Variants in CNBD2 observed in about 807,000 individuals in gnomAD.
CNBD2 encodes the protein cyclic nucleotide binding domain containing 2.
In CNBD2, 64 loss-of-function variants were observed where a neutral mutation model predicts 63.7. That is an observed-to-expected ratio of 1.00 (90% confidence interval 0.82 to 1.24). The LOEUF is 1.24. Among genes scored for constraint, CNBD2 ranks in the 50% most tolerant of loss-of-function variants. CNBD2 has a pLI of 0.00. For synonymous variants in CNBD2, 229 were observed against 255.4 expected (o/e 0.90, Z 0.99); for missense variants, 691 against 713.5 (o/e 0.97, Z 0.36).
At chr20:36,000,175 C>T (rs1034678990) in intron 8 of CNBD2, among the ~76,000 whole-genome samples, 1 of 152,090 alleles carries the variant, frequency 6.6e-6, no homozygotes, top group Admixed American at 6.5e-5. Flanking sequence ...ATTATTTCAG[C>T]TTTTCTATGT....
At chr20:35,973,514 A>G (rs904220258) in intron 2 of CNBD2, 3 of 152,134 alleles carry the variant, frequency 2.0e-5, no homozygotes, top group Admixed American at 2.0e-4. Flanking sequence ...GGTTCACACC[A>G]TTCTCCTGCC....
At chr20:35,968,950 C>A in intron 1 of CNBD2, 137 bp downstream of exon 1, 1 of 650,798 alleles carries the variant, frequency 1.5e-6, no homozygotes, top group Non-Finnish European at 2.7e-6. Context: ...CACAGCATGG[C>A]ACAAAGGAGG....
chr20:36,005,260 A>G (rs941255444), intron 8 of CNBD2, among the ~76,000 whole-genome samples: 5 of 152,202 alleles, frequency 3.3e-5, no homozygotes, highest in Non-Finnish European at 7.3e-5. Flanking sequence ...CGCTTTTGGA[A>G]TGAAACTGTT....
At chr20:35,986,222 A>G (rs1041765135) in intron 6 of CNBD2, among the ~76,000 whole-genome samples, 6 of 152,208 alleles carry the variant, frequency 3.9e-5, no homozygotes, top group Non-Finnish European at 8.8e-5. Context: ...AGGGCTGCAC[A>G]GCTACAGAGA....
intron 6 of CNBD2, among the ~76,000 whole-genome samples, chr20:35,985,226 G>A (rs530277454): frequency 6.6e-6 from 1 of 152,266 alleles, no homozygotes; most frequent in South Asian, 2.1e-4. Flanking sequence ...TTGGGCCCAG[G>A]AGTTCGAGGC....
upstream of CNBD2, among the ~76,000 whole-genome samples, chr20:35,966,654 T>G (rs2147184161): frequency 6.6e-6 from 1 of 152,248 alleles, no homozygotes; most frequent in East Asian, 1.9e-4. Context: ...GCTGAGTTTT[T>G]TTTTTATTGT....
At chr20:35,972,489 T>A in intron 1 of CNBD2, 140 bp from the exon 2 acceptor site, 2 of 756,756 alleles carry the variant, frequency 2.6e-6, no homozygotes, top group Non-Finnish European at 4.2e-6. Flanking sequence ...TTCCTGAAAA[T>A]GTAACCATCA....
intron 2 of CNBD2, among the ~76,000 whole-genome samples, chr20:35,961,188 C>G (rs1337784319): frequency 2.0e-5 from 3 of 152,228 alleles, no homozygotes; most frequent in Non-Finnish European, 2.9e-5. Flanking sequence ...GCCTCAGCCT[C>G]CCAAAGTGCT....
chr20:35,995,401 T>TC (rs1477673985), intron 8 of CNBD2, among the ~76,000 whole-genome samples: 1 of 152,074 alleles, frequency 6.6e-6, no homozygotes, highest in Non-Finnish European at 1.5e-5. Flanking sequence ...GCCTCACATA[T>TC]CCCCCACCCT....
intron 2 of CNBD2, 174 bp downstream of exon 2, chr20:35,972,940 C>T: frequency 1.6e-6 from 1 of 640,220 alleles, no homozygotes; most frequent in Non-Finnish European, 2.7e-6. Context: ...TGACTTACAT[C>T]ATCAACCAAG....
chr20:36,012,436 C>A (rs1347195350), intron 10 of CNBD2, among the ~76,000 whole-genome samples: 2 of 151,228 alleles, frequency 1.3e-5, no homozygotes, highest in East Asian at 3.9e-4. Context: ...CGAGATTGTG[C>A]CACTGCACTC....
chr20:35,993,865 ATC>A (rs2056782257), intron 7 of CNBD2, among the ~76,000 whole-genome samples: 2 of 144,070 alleles, frequency 1.4e-5, no homozygotes, highest in South Asian at 2.2e-4. Flanking sequence ...AATTCAGCTA[ATC>A]TTTTTTTTTT....
intron 10 of CNBD2, among the ~76,000 whole-genome samples, chr20:36,017,178 AG>A (rs1035035029): frequency 1.3e-5 from 2 of 152,044 alleles, no homozygotes; most frequent in Admixed American, 1.3e-4. Flanking sequence ...TGAGAGGAGG[AG>A]GAGCAGTGTG....
chr20:36,019,433 G>A (rs923380151), intron 10 of CNBD2, among the ~76,000 whole-genome samples: 4 of 150,970 alleles, frequency 2.6e-5, no homozygotes, highest in African/African-American at 9.8e-5. Flanking sequence ...TGAGGCAGGA[G>A]GATCCCTTGA....
rs1201734990 is a variant in CNBD2 at position 35,984,726 on chromosome 20, A to G, written c.664A>G (p.Lys222Glu). The part of the protein sequence containing the change: ...VVDREDFFAN[K>E]LDQEVQKDAQ... The stretch of plus-strand genomic sequence containing the variant: ...TGACCGGGAGGACTTCTTTGCTAAT[A>G]AGCTGGACCAGGAAGTTCAGAAGGA... Residue 222 changes from lysine to glutamate, a missense_variant, in exon 6 of 12, where the codon AAG becomes GAG. Coordinates refer to ENST00000373973, the MANE Select transcript of CNBD2 (RefSeq NM_001365709.1). The G allele has an allele frequency of 1.2e-6, 2 of 1,614,152 alleles. No homozygotes were observed. Among genetic ancestry groups the G allele is most frequent in the South Asian group, 1.1e-5 (1 of 91,078 alleles).
chr20:35,992,420 A>G (rs1367461411), intron 7 of CNBD2, among the ~76,000 whole-genome samples: 2 of 152,182 alleles, frequency 1.3e-5, no homozygotes, highest in Non-Finnish European at 2.9e-5. Context: ...ACAAACACAT[A>G]GGGTGCTTTT....
intron 8 of CNBD2, among the ~76,000 whole-genome samples, chr20:35,998,248 C>T (rs561060815): frequency 1.3e-5 from 2 of 151,906 alleles, no homozygotes; most frequent in East Asian, 3.9e-4. Flanking sequence ...AGCATGTTGG[C>T]CAGGCTGGGC....
Position 35,972,693 on chromosome 20 carries a change from G to C in CNBD2, c.116G>C (p.Gly39Ala), listed in dbSNP as rs190908620. The C allele has an allele frequency of 3.1e-6, 5 of 1,614,012 alleles. No homozygotes were observed. The highest frequency in any genetic ancestry group is 2.2e-5 in the South Asian group (2 of 91,070). The change falls in exon 2 of 12, where the codon GGC becomes GCC. Residue 39 changes from glycine to alanine, a missense_variant. Gly to Ala is a moderately conservative substitution (Grantham distance 60). Coordinates refer to ENST00000373973, the MANE Select transcript of CNBD2 (RefSeq NM_001365709.1). ...CGAGTGTGTAAAATGTTCCGCCAAG[G>C]CCTCAGGGGATTCCGGGAATATCAA... The part of the protein sequence containing the change: ...MIRVCKMFRQ[G>A]LRGFREYQII...
chr20:36,012,600 G>A (rs1177414832), intron 10 of CNBD2, among the ~76,000 whole-genome samples: 4 of 151,840 alleles, frequency 2.6e-5, no homozygotes, highest in Non-Finnish European at 5.9e-5. Context: ...AACACTTTGG[G>A]AGGCCACCTG....
Sources: gnomAD v4.1 joint callset for allele counts (sites outside exome capture counted in the v4.1 genomes callset) on GRCh38, gnomAD v4.1.1 for gene constraint, MANE v1.5 for transcripts, NCBI Gene and HGNC (gene_info 2026-07-23, HGNC 2026-07-21) for gene names.